The following CABLES1 variants were observed in gnomAD, a reference collection of about 807,000 sequenced individuals.
CABLES1 encodes the protein CDK5 and ABL1 enzyme substrate 1.
A neutral mutation model predicts 57.8 loss-of-function variants in CABLES1; 36 were observed. The observed-to-expected ratio is 0.62, with a 90% CI of 0.48 to 0.82. The LOEUF (loss-of-function observed/expected upper bound fraction) is 0.82, where lower values mean the gene tolerates loss of function less well. Among genes scored for constraint, CABLES1 ranks in the 40% least tolerant of loss-of-function variants. The probability of loss-of-function intolerance (pLI) is 0.00; values close to 1 mark genes in which losing one functional copy is unlikely to be tolerated. For missense variants in CABLES1, 767 were observed against 836.6 expected, an observed-to-expected ratio of 0.92 and a Z score of 1.03; for synonymous variants, 374 against 363.0, an observed-to-expected ratio of 1.03 and a Z score of -0.35.
intron 3 of CABLES1, among the ~76,000 whole-genome samples, chr18:23,209,606 T>C (rs1407275490): frequency 1.3e-5 from 2 of 152,216 alleles, no homozygotes; most frequent in Admixed American, 1.3e-4. Context: ...GCAGATGTGA[T>C]TTTCTTTCCT....
chr18:23,138,621 C>CTA (rs1192736243), intron 1 of CABLES1, among the ~76,000 whole-genome samples: 9 of 152,182 alleles, frequency 5.9e-5, no homozygotes, highest in African/African-American at 2.2e-4. Context: ...AACACCACGC[C>CTA]GCTTGTCTTA....
chr18:23,251,718 A>T (rs2048042295), intron 7 of CABLES1, among the ~76,000 whole-genome samples: 1 of 152,230 alleles, frequency 6.6e-6, no homozygotes, highest in African/African-American at 2.4e-5. Flanking sequence ...GGTTACCATT[A>T]TATACATATG....
chr18:23,236,758 C>A (rs1334328110), intron 6 of CABLES1, among the ~76,000 whole-genome samples: 2 of 152,174 alleles, frequency 1.3e-5, no homozygotes, highest in Non-Finnish European at 2.9e-5. Flanking sequence ...CGCACCAAAT[C>A]GTGCTGCACA....
chr18:23,249,603 G>T (rs907265479), intron 7 of CABLES1, among the ~76,000 whole-genome samples: 1 of 152,148 alleles, frequency 6.6e-6, no homozygotes, highest in African/African-American at 2.4e-5. Context: ...TTTTACGTAC[G>T]TTTTGTTCTC....
chr18:23,244,203 TGGA>T (rs1461720101), intron 7 of CABLES1, among the ~76,000 whole-genome samples: 2 of 151,998 alleles, frequency 1.3e-5, no homozygotes, highest in East Asian at 3.9e-4. Context: ...CTCAAGTGGA[TGGA>T]GACACTACTC....
At position 23,136,574 on chromosome 18, in the gene CABLES1, G is replaced by A; in HGVS notation, c.812G>A (p.Ser271Asn). The A allele has an allele frequency of 2.0e-6, 3 of 1,508,314 alleles. No individual in the cohort carries two copies. The highest frequency in any genetic ancestry group is 2.6e-5 in the East Asian group (1 of 38,346). The allele number at this position is 1,508,314 out of a possible 1,614,324, so 93.4% of individuals were successfully genotyped here. Residue 271 changes from serine (S) to asparagine (N), a missense_variant, in exon 1 of 10, where the codon AGC (serine) becomes AAC (asparagine). Transcript: ENST00000256925. ...CTGGAGCAGCCAGGCCAGGGCGGCAGCACCAGCGCCTTCGAGCAGCTGCAG... is the reference window on the plus strand; with the variant it reads ...CTGGAGCAGCCAGGCCAGGGCGGCAACACCAGCGCCTTCGAGCAGCTGCAG... The part of the protein sequence containing the change: ...CSLEQPGQGG[S>N]TSAFEQLQRS...
At chr18:23,174,572 C>T (rs898906396) in intron 1 of CABLES1, among the ~76,000 whole-genome samples, 3 of 151,492 alleles carry the variant, frequency 2.0e-5, no homozygotes, top group African/African-American at 2.4e-5. Flanking sequence ...CCCGGGTTCA[C>T]GCCATTCTCC....
At chr18:23,231,242 G>C (rs570602473) in intron 4 of CABLES1, among the ~76,000 whole-genome samples, 5 of 152,190 alleles carry the variant, frequency 3.3e-5, no homozygotes, top group African/African-American at 9.6e-5. Context: ...GGAAGCACTG[G>C]GTCTTAGTAG....
chr18:23,245,045 A>G (rs1210010339), intron 7 of CABLES1, among the ~76,000 whole-genome samples: 1 of 152,108 alleles, frequency 6.6e-6, no homozygotes, highest in African/African-American at 2.4e-5. Context: ...GTTCTCCAGG[A>G]TTGTTTTTGA....
chr18:23,224,435 C>T (rs866768811), intron 4 of CABLES1, among the ~76,000 whole-genome samples: 4 of 151,892 alleles, frequency 2.6e-5, no homozygotes, highest in Admixed American at 6.6e-5. Context: ...TTCACTCCTC[C>T]GTAAAAGGAC....
intron 1 of CABLES1, among the ~76,000 whole-genome samples, chr18:23,150,909 G>A (rs1436325107): frequency 3.3e-5 from 5 of 152,122 alleles, no homozygotes; most frequent in East Asian, 1.9e-4. Flanking sequence ...TAGTGAACTC[G>A]GGGAGCCAAG....
chr18:23,215,202 G>T (rs1191690394), intron 4 of CABLES1, among the ~76,000 whole-genome samples: 1 of 152,194 alleles, frequency 6.6e-6, no homozygotes, highest in African/African-American at 2.4e-5. Flanking sequence ...AAATCCTGCA[G>T]CTCGGAGGTT....
At chr18:23,138,952 A>G (rs1424836168) in intron 1 of CABLES1, among the ~76,000 whole-genome samples, 1 of 152,168 alleles carries the variant, frequency 6.6e-6, no homozygotes, top group Non-Finnish European at 1.5e-5. Context: ...ACTCCAGACT[A>G]CGTGAGTCCA....
chr18:23,137,397 G>T (rs2046830075), intron 1 of CABLES1, among the ~76,000 whole-genome samples: 1 of 152,240 alleles, frequency 6.6e-6, no homozygotes, highest in Non-Finnish European at 1.5e-5. Context: ...GGGGCAGTCG[G>T]AGGTTGGGAC....
intron 1 of CABLES1, among the ~76,000 whole-genome samples, chr18:23,166,288 G>T (rs1175250246): frequency 2.6e-5 from 4 of 150,968 alleles, no homozygotes; most frequent in African/African-American, 9.8e-5. Context: ...TGCAACCTCC[G>T]CCTCTTGGGT....
At chr18:23,159,250 C>G (rs1363258344) in intron 1 of CABLES1, among the ~76,000 whole-genome samples, 1 of 152,242 alleles carries the variant, frequency 6.6e-6, no homozygotes, top group Non-Finnish European at 1.5e-5. Flanking sequence ...CAGGCGTGAG[C>G]CACTGCACCC....
chr18:23,154,642 C>T (rs1282435295), intron 1 of CABLES1, among the ~76,000 whole-genome samples: 1 of 152,172 alleles, frequency 6.6e-6, no homozygotes, highest in Non-Finnish European at 1.5e-5. Flanking sequence ...TGGTGCCGTA[C>T]AGATTTTGTA....
chr18:23,137,592 G>A (rs2046831485), intron 1 of CABLES1, among the ~76,000 whole-genome samples: 1 of 152,122 alleles, frequency 6.6e-6, no homozygotes, highest in African/African-American at 2.4e-5. Flanking sequence ...ATCCCTTCTG[G>A]GAAAGAATGA....
At chr18:23,226,551 C>G (rs1358732727) in intron 4 of CABLES1, among the ~76,000 whole-genome samples, 2 of 152,094 alleles carry the variant, frequency 1.3e-5, no homozygotes, top group African/African-American at 4.8e-5. Context: ...TGGGCTGATT[C>G]AGTTACATTA....
Sources: allele counts gnomAD v4.1 joint callset (sites outside exome capture counted in the v4.1 genomes callset), GRCh38; gene constraint gnomAD v4.1.1; transcripts MANE v1.5; gene names NCBI Gene and HGNC (gene_info 2026-07-23, HGNC 2026-07-21).